MYL1: variants seen among roughly 807,000 people sequenced by gnomAD.
The protein encoded by MYL1 is myosin light chain 1.
In MYL1, 16 loss-of-function variants were observed where a neutral mutation model predicts 21.8. The observed-to-expected ratio is 0.74, with a 90% CI of 0.50 to 1.12. The LOEUF is 1.12. Among genes scored for constraint, MYL1 ranks in the 50% most tolerant of loss-of-function variants. The probability of loss-of-function intolerance (pLI) is 0.00; values close to 1 mark genes in which losing one functional copy is unlikely to be tolerated. For missense variants in MYL1, 246 were observed against 241.0 expected, an observed-to-expected ratio of 1.02 and a Z score of -0.14; for synonymous variants, 99 against 85.2, an observed-to-expected ratio of 1.16 and a Z score of -0.89.
At chr2:210,307,852 G>A (rs1303577235) in intron 1 of MYL1, among the ~76,000 whole-genome samples, 1 of 152,044 alleles carries the variant, frequency 6.6e-6, no homozygotes, top group Non-Finnish European at 1.5e-5. Context: ...AAGTAATTGC[G>A]GCTTTGCCAT....
rs909202212 is a variant in MYL1, at chr2:210,315,079, G to A, written c.-37C>T. On this transcript the variant is annotated 5_prime_UTR_variant, in exon 1 of 7. Coordinates refer to ENST00000352451, the MANE Select transcript of MYL1 (RefSeq NM_079420.3). ...AAAGGGTGGGTTAAAAAGAGAAGGAGTTCCTCCAAAAGAACCTGTCAAAAT... is the reference window on the plus strand; with the variant it reads ...AAAGGGTGGGTTAAAAAGAGAAGGAATTCCTCCAAAAGAACCTGTCAAAAT... The A allele has an allele frequency of 1.9e-6, 3 of 1,587,024 alleles. No individual in the cohort carries two copies. Among genetic ancestry groups the A allele is most frequent in the Non-Finnish European group, 2.6e-6 (3 of 1,173,876 alleles).
At chr2:210,293,627 C>T (rs1469450290) in intron 5 of MYL1, 96 bp downstream of exon 5, 2 of 941,612 alleles carry the variant, frequency 2.1e-6, no homozygotes, top group African/African-American at 3.3e-5. Context: ...ATATGTATGT[C>T]AATAAGGAAG....
At chr2:210,305,493 A>G (rs1287175593) in intron 1 of MYL1, among the ~76,000 whole-genome samples, 2 of 152,186 alleles carry the variant, frequency 1.3e-5, no homozygotes, top group Middle Eastern at 3.4e-3. Context: ...AGAGCCTACC[A>G]TGTTATCTTT....
intron 1 of MYL1, among the ~76,000 whole-genome samples, chr2:210,307,185 A>G (rs1238314866): frequency 6.6e-6 from 1 of 152,172 alleles, no homozygotes; most frequent in African/African-American, 2.4e-5. Context: ...CTGATTGTAA[A>G]CTGGGAAGCG....
chr2:210,296,899 C>G (rs1235046572), intron 3 of MYL1, among the ~76,000 whole-genome samples: 1 of 151,822 alleles, frequency 6.6e-6, no homozygotes, highest in Non-Finnish European at 1.5e-5. Context: ...CTTTCCATCC[C>G]TGGCTCATTT....
intron 1 of MYL1, chr2:210,303,505 T>C: frequency 6.3e-7 from 1 of 1,591,064 alleles, no homozygotes; most frequent in Non-Finnish European, 8.6e-7. Flanking sequence ...ATCTATTTTC[T>C]CCTATAAATG....
chr2:210,302,440 C>T, intron 2 of MYL1, 48 bp downstream of exon 2: 1 of 1,558,232 alleles, frequency 6.4e-7, no homozygotes, highest in Non-Finnish European at 8.7e-7. Context: ...TTCACACATG[C>T]CATCTTTATG....
intron 1 of MYL1, chr2:210,303,511 A>C (rs1404039884): frequency 6.2e-7 from 1 of 1,600,204 alleles, no homozygotes; most frequent in East Asian, 2.3e-5. Flanking sequence ...TTTCTCCTAT[A>C]AATGACAAAT....
intron 2 of MYL1, among the ~76,000 whole-genome samples, chr2:210,299,328 G>A (rs1690229815): frequency 6.6e-6 from 1 of 152,068 alleles, no homozygotes; most frequent in Non-Finnish European, 1.5e-5. Context: ...AGATTCACAT[G>A]CAGTTCTAAG....
At position 210,293,883 on chromosome 2, in the gene MYL1, G is replaced by A. The variant is rs1283563774; in HGVS notation, c.479-83C>T. The stretch of plus-strand genomic sequence containing the variant: ...CCATAGGTCATCAGTCAAGGGCTCT[G>A]GAGACTAAACTCTTGACATATAGGA... On this transcript the variant is annotated intron_variant, in intron 4 of 6. Coordinates refer to ENST00000352451, the MANE Select transcript of MYL1 (RefSeq NM_079420.3). 15 of 1,206,044 alleles carry A rather than the reference G, an allele frequency of 1.2e-5. No homozygotes were observed. In the East Asian group the frequency reaches 2.3e-4, roughly 19 times the overall value. 74.7% of individuals were successfully genotyped at this position (1,206,044 alleles called of 1,614,324 possible).
chr2:210,298,595 T>C, intron 2 of MYL1, 32 bp from the exon 3 acceptor site: 1 of 1,612,664 alleles, frequency 6.2e-7, no homozygotes, highest in Non-Finnish European at 8.5e-7. Context: ...AGAGTGCTCT[T>C]TTCTTCCTCT....
intron 1 of MYL1, among the ~76,000 whole-genome samples, chr2:210,311,230 A>G (rs190538441): frequency 1.3e-5 from 2 of 152,166 alleles, no homozygotes; most frequent in Non-Finnish European, 1.5e-5. Flanking sequence ...TGGAAATGAG[A>G]AAAAAGAACT....
chr2:210,298,626 C>T (rs1690217730), intron 2 of MYL1, 63 bp from the exon 3 acceptor site: 1 of 1,571,366 alleles, frequency 6.4e-7, no homozygotes, highest in Non-Finnish European at 8.7e-7. Flanking sequence ...TTAAACCTAA[C>T]CTTATCAAAA....
At chr2:210,309,622 C>T (rs1427225038) in intron 1 of MYL1, among the ~76,000 whole-genome samples, 6 of 151,978 alleles carry the variant, frequency 3.9e-5, no homozygotes, top group Admixed American at 1.3e-4. Context: ...CACAGAAGAT[C>T]TTGTTTTTAT....
Position 210,315,146 on chromosome 2 carries a change from C to T in MYL1, c.-104G>A, listed in dbSNP as rs1690477232. ...GTGGTGGTTGGGTTGATCCACAGCC[C>T]AGTGTCTTGAAGATGGACCCAGAGT... On this transcript the variant is annotated 5_prime_UTR_variant, in exon 1 of 7. Transcript: ENST00000352451. 3 of 1,408,654 alleles carry T rather than the reference C, an allele frequency of 2.1e-6. No individual in the cohort carries two copies. Among genetic ancestry groups the T allele is most frequent in the Admixed American group, 2.2e-5 (1 of 46,202 alleles). The allele number at this position is 1,408,654 out of a possible 1,614,324, so 87.3% of individuals were successfully genotyped here.
At chr2:210,296,444 T>C (rs1047056771) in intron 3 of MYL1, among the ~76,000 whole-genome samples, 2 of 152,254 alleles carry the variant, frequency 1.3e-5, no homozygotes, top group South Asian at 4.1e-4. Flanking sequence ...TATTCCCTCC[T>C]CTCTTCGTTA....
intron 2 of MYL1, among the ~76,000 whole-genome samples, chr2:210,302,036 C>T (rs909093894): frequency 6.6e-6 from 1 of 152,068 alleles, no homozygotes; most frequent in Non-Finnish European, 1.5e-5. Flanking sequence ...TTCTACAACT[C>T]ACTATGTTAT....
intron 1 of MYL1, chr2:210,302,830 A>G (rs757412391): frequency 1.3e-6 from 2 of 1,551,046 alleles, no homozygotes; most frequent in South Asian, 2.4e-5. Context: ...AAAAAAAACT[A>G]GTACTCTTTC....
intron 2 of MYL1, among the ~76,000 whole-genome samples, chr2:210,300,113 G>A (rs986545165): frequency 6.6e-6 from 1 of 152,110 alleles, no homozygotes; most frequent in African/African-American, 2.4e-5. Context: ...ATCTTTCTAA[G>A]GGACATGTGA....
Sources: gnomAD v4.1 joint callset for allele counts (sites outside exome capture counted in the v4.1 genomes callset) on GRCh38, gnomAD v4.1.1 for gene constraint, MANE v1.5 for transcripts, NCBI Gene and HGNC (gene_info 2026-07-23, HGNC 2026-07-21) for gene names.